PCSK2: variants seen among roughly 807,000 people sequenced by gnomAD.
PCSK2 encodes proprotein convertase subtilisin/kexin type 2, also known as neuroendocrine convertase 2.
In PCSK2, 14 loss-of-function variants were observed where a neutral mutation model predicts 69.7. The ratio of observed to expected loss-of-function variants is 0.20; its 90% CI spans 0.13 to 0.31. The LOEUF (loss-of-function observed/expected upper bound fraction) is 0.31. PCSK2 is among the 10% of genes least tolerant of loss of function. PCSK2 has a pLI of 1.00. For synonymous variants in PCSK2, 307 were observed against 320.7 expected (o/e 0.96, Z 0.46); for missense variants, 544 against 842.5 (o/e 0.65, Z 4.39).
chr20:17,335,199 G>GAGGGT (rs1324189975), intron 2 of PCSK2, among the ~76,000 whole-genome samples: 1 of 151,794 alleles, frequency 6.6e-6, no homozygotes, highest in Non-Finnish European at 1.5e-5. Flanking sequence ...AGATTGGGGG[G>GAGGGT]GTTGTCTGAA....
intron 1 of PCSK2, among the ~76,000 whole-genome samples, chr20:17,252,495 A>C (rs1009966471): frequency 6.6e-6 from 1 of 152,212 alleles, no homozygotes; most frequent in Non-Finnish European, 1.5e-5. Flanking sequence ...AGCACTTTTC[A>C]TGCATTATCT....
chr20:17,287,549 T>C (rs1988560051), intron 2 of PCSK2, among the ~76,000 whole-genome samples: 2 of 152,050 alleles, frequency 1.3e-5, no homozygotes, highest in Non-Finnish European at 2.9e-5. Context: ...TTCTTTCTTG[T>C]CTGCTCAAGC....
At chr20:17,271,154 T>G (rs1987850495) in intron 2 of PCSK2, among the ~76,000 whole-genome samples, 1 of 152,134 alleles carries the variant, frequency 6.6e-6, no homozygotes, top group Non-Finnish European at 1.5e-5. Flanking sequence ...TTGCAAGAAC[T>G]AGCATTTATA....
At chr20:17,424,754 G>T (rs1297489348) in intron 6 of PCSK2, among the ~76,000 whole-genome samples, 2 of 151,988 alleles carry the variant, frequency 1.3e-5, no homozygotes, top group Non-Finnish European at 2.9e-5. Flanking sequence ...GCCTCCCAAA[G>T]TGCTGGGATT....
chr20:17,285,193 A>C (rs747274784), intron 2 of PCSK2, among the ~76,000 whole-genome samples: 19 of 152,242 alleles, frequency 1.2e-4, no homozygotes, highest in Non-Finnish European at 2.1e-4. Flanking sequence ...GGGTTGAAGA[A>C]AGCAGAAACA....
chr20:17,238,116 C>T (rs1986413297), intron 1 of PCSK2, among the ~76,000 whole-genome samples: 1 of 152,050 alleles, frequency 6.6e-6, no homozygotes, highest in African/African-American at 2.4e-5. Flanking sequence ...AACATGTCTG[C>T]TACAGGAAAA....
intron 1 of PCSK2, among the ~76,000 whole-genome samples, chr20:17,250,659 G>A (rs980613610): frequency 6.6e-6 from 1 of 151,958 alleles, no homozygotes; most frequent in Non-Finnish European, 1.5e-5. Context: ...CAATTCCACT[G>A]TAAGGAAGAG....
intron 5 of PCSK2, among the ~76,000 whole-genome samples, chr20:17,398,973 G>A (rs1258270864): frequency 6.6e-6 from 1 of 152,120 alleles, no homozygotes; most frequent in African/African-American, 2.4e-5. Flanking sequence ...CCAGCTAAGG[G>A]CATCTTCCTC....
Position 17,465,362 on chromosome 20 carries a change from T to C in PCSK2, c.1239T>C (p.Thr413=). The part of the protein sequence containing the change: ...GLTWRDMQHL[T]VLTSKRNQLH... ...CCTGGCGGGACATGCAGCATCTGAC[T>C]GTGCTCACCTCCAAACGGAACCAGC... The change falls in exon 11 of 12, where the codon ACT becomes ACC. Residue 413 remains threonine, a synonymous_variant. Transcript: ENST00000262545. 6.2e-7 allele frequency: 1 copy of C among 1,614,200 alleles called. No homozygotes were observed. Among genetic ancestry groups the C allele is most frequent in the Non-Finnish European group, 8.5e-7 (1 of 1,180,034 alleles).
At chr20:17,306,959 T>C (rs949306053) in intron 2 of PCSK2, among the ~76,000 whole-genome samples, 2 of 152,180 alleles carry the variant, frequency 1.3e-5, no homozygotes, top group Admixed American at 1.3e-4. Flanking sequence ...TGAGGGAAAA[T>C]AGTCTGGATG....
chr20:17,263,170 T>C (rs1418451529), intron 2 of PCSK2: 1 of 980,390 alleles, frequency 1.0e-6, no homozygotes, highest in Non-Finnish European at 1.2e-6. Context: ...CTTTTTGGCT[T>C]TTTTTGACTT....
chr20:17,364,840 C>T (rs958012154), intron 4 of PCSK2, among the ~76,000 whole-genome samples: 8 of 152,136 alleles, frequency 5.3e-5, no homozygotes, highest in Middle Eastern at 3.2e-3. Flanking sequence ...CTGAAGGCCC[C>T]GCTGGGCTGC....
At chr20:17,444,470 T>C (rs1304405652) in intron 8 of PCSK2, among the ~76,000 whole-genome samples, 2 of 152,230 alleles carry the variant, frequency 1.3e-5, no homozygotes, top group African/African-American at 2.4e-5. Context: ...AAATCCTTTT[T>C]TTCTTTTGCT....
At chr20:17,281,708 T>C (rs148555330) in intron 2 of PCSK2, among the ~76,000 whole-genome samples, 1 of 152,334 alleles carries the variant, frequency 6.6e-6, no homozygotes, top group East Asian at 1.9e-4. Context: ...CAGTGAATGC[T>C]GTATGTTAGC....
At chr20:17,471,157 G>A (rs2033194551) in intron 11 of PCSK2, among the ~76,000 whole-genome samples, 1 of 152,166 alleles carries the variant, frequency 6.6e-6, no homozygotes, top group African/African-American at 2.4e-5. Context: ...GAGGGCGTAT[G>A]CTGAGATGAA....
rs1318043104 is a variant in PCSK2 at position 17,328,070 on chromosome 20, C to T, written c.283-30257C>T. ...GAATGCTTGCAAAGATTTCTTACTTCCTCCTTTAAAGAGTGGTAGGAAAAT... is the reference window on the plus strand; with the variant it reads ...GAATGCTTGCAAAGATTTCTTACTTTCTCCTTTAAAGAGTGGTAGGAAAAT... On this transcript the variant is annotated intron_variant, in intron 2 of 11. Transcript: ENST00000262545. Among the ~76,000 whole-genome samples, 5 of 152,176 alleles carry T rather than the reference C, an allele frequency of 3.3e-5. No individual in the cohort carries two copies. The South Asian group carries it at 8.3e-4, about 25-fold the overall frequency.
intron 10 of PCSK2, among the ~76,000 whole-genome samples, chr20:17,458,970 G>A (rs992651216): frequency 6.6e-6 from 1 of 152,084 alleles, no homozygotes; most frequent in Non-Finnish European, 1.5e-5. Context: ...TGGTCCTAGA[G>A]GGTGAGCTAG....
chr20:17,386,397 G>T (rs1043419088), intron 5 of PCSK2, among the ~76,000 whole-genome samples: 1 of 152,088 alleles, frequency 6.6e-6, no homozygotes, highest in South Asian at 2.1e-4. Context: ...ACATATAATG[G>T]AATATTATTC....
At chr20:17,354,952 G>T (rs1183887710) in intron 2 of PCSK2, among the ~76,000 whole-genome samples, 1 of 152,106 alleles carries the variant, frequency 6.6e-6, no homozygotes, top group African/African-American at 2.4e-5. Flanking sequence ...AGCATATATT[G>T]TTAAAGGTGT....
Sources: gnomAD v4.1 joint callset for allele counts (sites outside exome capture counted in the v4.1 genomes callset) on GRCh38, gnomAD v4.1.1 for gene constraint, MANE v1.5 for transcripts, NCBI Gene and HGNC (gene_info 2026-07-23, HGNC 2026-07-21) for gene names.